SORCS1: variants seen among roughly 807,000 people sequenced by gnomAD.
SORCS1 encodes sortilin related VPS10 domain containing receptor 1.
A neutral mutation model predicts 146.1 loss-of-function variants in SORCS1; 60 were observed. That is an observed-to-expected ratio of 0.41 (90% CI 0.33 to 0.51). SORCS1 has a LOEUF of 0.51. Ranked by LOEUF, SORCS1 falls within the 20% of genes least tolerant of loss-of-function variation. The pLI is 0.21. For synonymous variants in SORCS1, 637 were observed against 584.0 expected (o/e 1.09, Z -1.31); for missense variants, 1,352 against 1,487.6 (o/e 0.91, Z 1.50).
chr10:106,796,978 G>A (rs1331279747), intron 3 of SORCS1, among the ~76,000 whole-genome samples: 1 of 152,118 alleles, frequency 6.6e-6, no homozygotes, highest in Non-Finnish European at 1.5e-5. Flanking sequence ...GTGGTGGCGG[G>A]TGCCTGTAGT....
chr10:106,802,498 AT>A (rs10707442), intron 3 of SORCS1, among the ~76,000 whole-genome samples: 42,854 of 138,242 alleles, frequency 0.31, 6,314 homozygotes, highest in African/African-American at 0.35. Flanking sequence ...AACCCAGCTA[AT>A]TTTTTTTTTT....
rs575426322 is a variant in SORCS1, at chr10:106,826,809, C to A, written c.726+2765G>T. ...TTCACTCATAACATTGTGATTTAAA[C>A]AGCTCAGGACCACCTCTGCTCTGAA... On this transcript the variant is annotated intron_variant, in intron 3 of 25. Coordinates refer to ENST00000263054, the MANE Select transcript of SORCS1 (RefSeq NM_052918.5). Among the ~76,000 whole-genome samples the A allele has an allele frequency of 2.5e-4, 38 of 152,272 alleles. 1 individual carries two copies. In the East Asian group the frequency reaches 6.6e-3, roughly 26 times the overall value.
At chr10:106,719,932 G>A (rs936095380) in intron 6 of SORCS1, among the ~76,000 whole-genome samples, 2 of 152,036 alleles carry the variant, frequency 1.3e-5, no homozygotes, top group African/African-American at 4.8e-5. Flanking sequence ...TCCTTTGCAT[G>A]TACTCTTCCA....
intron 3 of SORCS1, among the ~76,000 whole-genome samples, chr10:106,796,535 C>T (rs1946563282): frequency 6.6e-6 from 1 of 152,246 alleles, no homozygotes; most frequent in African/African-American, 2.4e-5. Context: ...ATTATATTTA[C>T]TTCTTTGAGC....
chr10:106,777,142 T>G (rs969743357), intron 3 of SORCS1, among the ~76,000 whole-genome samples: 9 of 152,152 alleles, frequency 5.9e-5, no homozygotes, highest in Admixed American at 2.0e-4. Context: ...CCTCGAATCT[T>G]TTCATTCCAC....
chr10:106,582,894 T>C (rs890683873), intron 24 of SORCS1, among the ~76,000 whole-genome samples: 1 of 152,186 alleles, frequency 6.6e-6, no homozygotes, highest in Non-Finnish European at 1.5e-5. Flanking sequence ...ACAACAATCT[T>C]CTTGTGAAAA....
chr10:106,852,443 C>T (rs534285439), intron 2 of SORCS1, among the ~76,000 whole-genome samples: 2 of 152,030 alleles, frequency 1.3e-5, no homozygotes, highest in Admixed American at 6.6e-5. Flanking sequence ...TCCTGGCCAA[C>T]ATGGTGAAAC....
At chr10:106,655,144 C>T (rs1426411655) in intron 17 of SORCS1, among the ~76,000 whole-genome samples, 1 of 152,148 alleles carries the variant, frequency 6.6e-6, no homozygotes, top group Non-Finnish European at 1.5e-5. Flanking sequence ...CATGAGCCAC[C>T]ACGCCTGGCC....
intron 6 of SORCS1, among the ~76,000 whole-genome samples, chr10:106,724,908 C>T (rs1856040338): frequency 2.0e-5 from 3 of 151,938 alleles, no homozygotes; most frequent in African/African-American, 4.8e-5. Flanking sequence ...AGGAGGCCAG[C>T]GTGGGTGGAT....
chr10:106,804,391 A>AATAAAATAAACC (rs751588976), intron 3 of SORCS1, among the ~76,000 whole-genome samples: 21 of 150,012 alleles, frequency 1.4e-4, no homozygotes, highest in African/African-American at 4.6e-4. Context: ...AATAAAATAA[A>AATAAAATAAACC]CCTAACAAAT....
At chr10:106,822,935 C>G (rs180714369) in intron 3 of SORCS1, among the ~76,000 whole-genome samples, 1 of 151,802 alleles carries the variant, frequency 6.6e-6, no homozygotes, top group African/African-American at 2.4e-5. Context: ...CACCTGCCAC[C>G]GCACCCGGCT....
intron 1 of SORCS1, among the ~76,000 whole-genome samples, chr10:107,152,860 A>G (rs74637457): frequency 0.013 from 2,021 of 152,118 alleles, 42 homozygotes; most frequent in African/African-American, 0.046. Flanking sequence ...CTCTCTTTTT[A>G]TGATTCTCCT....
intron 3 of SORCS1, among the ~76,000 whole-genome samples, chr10:106,825,504 C>T (rs888323901): frequency 6.6e-6 from 1 of 151,922 alleles, no homozygotes; most frequent in African/African-American, 2.4e-5. Flanking sequence ...AATCTCCTGA[C>T]CTCGTGATCC....
At chr10:107,029,098 T>C (rs1271746803) in intron 1 of SORCS1, among the ~76,000 whole-genome samples, 1 of 152,218 alleles carries the variant, frequency 6.6e-6, no homozygotes, top group African/African-American at 2.4e-5. Context: ...GATTACTATA[T>C]AGTAAGCCCA....
At chr10:107,007,350 T>C (rs930996200) in intron 1 of SORCS1, among the ~76,000 whole-genome samples, 12 of 152,212 alleles carry the variant, frequency 7.9e-5, no homozygotes, top group Non-Finnish European at 1.2e-4. Context: ...CTTCCACTTC[T>C]GTCTTTTGGA....
intron 9 of SORCS1, among the ~76,000 whole-genome samples, chr10:106,690,861 C>G (rs1485759802): frequency 6.6e-6 from 1 of 152,014 alleles, no homozygotes; most frequent in Non-Finnish European, 1.5e-5. Flanking sequence ...TTGAGAAATC[C>G]GTCTTTCTGT....
intron 3 of SORCS1, among the ~76,000 whole-genome samples, chr10:106,785,179 T>C (rs932878565): frequency 3.9e-5 from 6 of 152,154 alleles, no homozygotes; most frequent in African/African-American, 1.4e-4. Context: ...TGAAGACTGA[T>C]CTAAAATAAC....
At chr10:107,046,686 A>C (rs1959485621) in intron 1 of SORCS1, among the ~76,000 whole-genome samples, 3 of 152,174 alleles carry the variant, frequency 2.0e-5, no homozygotes, top group Non-Finnish European at 4.4e-5. Flanking sequence ...AGAATCTGAA[A>C]AGAGGAAGGG....
chr10:106,825,702 G>C (rs1948272885), intron 3 of SORCS1, among the ~76,000 whole-genome samples: 1 of 151,828 alleles, frequency 6.6e-6, no homozygotes, highest in Non-Finnish European at 1.5e-5. Context: ...ATAAACCTCT[G>C]CTGACACAAA....
Sources: gnomAD v4.1 joint callset for allele counts (sites outside exome capture counted in the v4.1 genomes callset) on GRCh38, gnomAD v4.1.1 for gene constraint, MANE v1.5 for transcripts, NCBI Gene and HGNC (gene_info 2026-07-23, HGNC 2026-07-21) for gene names.